Variants in C4orf50 observed in about 807,000 individuals in gnomAD.
C4orf50 encodes chromosome 4 open reading frame 50.
A neutral mutation model predicts 77.2 loss-of-function variants in C4orf50; 80 were observed. The ratio of observed to expected loss-of-function variants is 1.04; its 90% confidence interval spans 0.87 to 1.25. The LOEUF (loss-of-function observed/expected upper bound fraction) is 1.25. Among genes scored for constraint, C4orf50 ranks in the 50% most tolerant of loss-of-function variants. C4orf50 has a pLI of 0.00. For synonymous variants in C4orf50, 532 were observed against 465.3 expected, an observed-to-expected ratio of 1.14 and a Z score of -1.84; for missense variants, 1,257 against 1,152.9, an observed-to-expected ratio of 1.09 and a Z score of -1.31.
At chr4:5,985,556 T>C (rs1475808450) in intron 28 of C4orf50, among the ~76,000 whole-genome samples, 1 of 148,550 alleles carries the variant, frequency 6.7e-6, no homozygotes, top group Non-Finnish European at 1.5e-5. Flanking sequence ...TACTAAAACA[T>C]AAGCTAATGG....
chr4:5,931,360 TAGA>T (rs142261595), intron 7 of C4orf50, among the ~76,000 whole-genome samples: 18,753 of 152,214 alleles, frequency 0.12, 1,186 homozygotes, highest in Non-Finnish European at 0.14. Context: ...GTTTCCCATG[TAGA>T]AGAACACATC....
At chr4:5,941,650 C>T (rs1718271079) in intron 7 of C4orf50, among the ~76,000 whole-genome samples, 1 of 152,196 alleles carries the variant, frequency 6.6e-6, no homozygotes, top group Admixed American at 6.5e-5. Flanking sequence ...ACGGCTTCTG[C>T]TCTTAAGAGT....
exon 34 of C4orf50, chr4:5,959,047 C>A: frequency 4.1e-6 from 1 of 246,094 alleles, no homozygotes; most frequent in Non-Finnish European, 7.9e-6. Context: ...CCAAAAATGT[C>A]TCCAGACATG....
At position 6,002,318 on chromosome 4, in the gene C4orf50, G is replaced by A. The variant is rs151066094; in HGVS notation, c.963+5678C>T. 2.2e-3 allele frequency among the ~76,000 whole-genome samples: 328 copies of A among 152,304 alleles called. 2 individuals are homozygous for A. Among genetic ancestry groups the A allele is most frequent in the African/African-American group, 7.0e-3 (290 of 41,574 alleles). ...GGCAAGGAGCAGACTGTCCCCTAGAGCCTCAGGAGGAAGCATGGCCCCACT... is the reference window on the plus strand; with the variant it reads ...GGCAAGGAGCAGACTGTCCCCTAGAACCTCAGGAGGAAGCATGGCCCCACT... On this transcript the variant is annotated intron_variant, in intron 25 of 33. Transcript: ENST00000531445.
chr4:5,936,914 A>G (rs59138607), intron 7 of C4orf50, among the ~76,000 whole-genome samples: 5,223 of 152,296 alleles, frequency 0.034, 318 homozygotes, highest in African/African-American at 0.12. Context: ...AGTTACAGCA[A>G]TAACAGGCGT....
In C4orf50 at chr4:6,010,202, G is replaced by A. The variant is rs1262442866; in HGVS notation, c.426+1628C>T. The stretch of plus-strand genomic sequence containing the variant: ...CGGAGACATCACATCAGTGGCAGAG[G>A]AGTCCCACTCAACGCCGCTCTACCT... On this transcript the variant is annotated intron_variant, in intron 24 of 33. Transcript: ENST00000531445. Among the ~76,000 whole-genome samples the A allele has an allele frequency of 3.3e-5, 5 of 152,092 alleles. No individual in the cohort carries two copies. The East Asian group carries it at 5.8e-4, about 18-fold the overall frequency.
chr4:5,919,113 T>C lies in C4orf50; in HGVS notation c.*2475-20925A>G, dbSNP rs924703850. On this transcript the variant is annotated intron_variant, in intron 7 of 7. Coordinates refer to the C4orf50 transcript ENST00000324058. This position sits in a 1 kb window ranked among gnomAD's most constrained non-coding sequence, Gnocchi z 6.5. ...GGCTCCCTCTTTCCCAGGTGGGACA[T>C]TGCTAGTGAGCGGTAGCGGGGAATG... is the stretch of plus-strand genomic sequence containing the variant. Among the ~76,000 whole-genome samples the C allele has an allele frequency of 6.6e-6, 1 of 152,190 alleles. No homozygotes were observed. Among genetic ancestry groups the C allele is most frequent in the Non-Finnish European group, 1.5e-5 (1 of 68,020 alleles).
intron 25 of C4orf50, among the ~76,000 whole-genome samples, chr4:5,998,654 C>A (rs184460391): frequency 6.6e-6 from 1 of 152,194 alleles, no homozygotes; most frequent in Non-Finnish European, 1.5e-5. Flanking sequence ...TCTCTCTGCA[C>A]GAGCATCTCT....
rs544877450 is a variant in C4orf50, at chr4:5,974,485, G to A, written c.3922-644C>T. ...GCTCAGACAGACACGGAAATGTGGGGTGGAAAATAACTTTAGGAACTGTCT... is the reference window on the plus strand; with the variant it reads ...GCTCAGACAGACACGGAAATGTGGGATGGAAAATAACTTTAGGAACTGTCT... On this transcript the variant is annotated intron_variant, in intron 30 of 33. Transcript: ENST00000531445. 5.4e-3 allele frequency among the ~76,000 whole-genome samples: 818 copies of A among 152,258 alleles called. 6 individuals carry two copies. The highest frequency in any genetic ancestry group is 0.019 in the African/African-American group (787 of 41,538).
intron 7 of C4orf50, among the ~76,000 whole-genome samples, chr4:5,931,723 C>T (rs533955978): frequency 6.6e-6 from 1 of 152,276 alleles, no homozygotes; most frequent in African/African-American, 2.4e-5. Flanking sequence ...TCAGCTCTGC[C>T]TCCTCCAGGA....
chr4:6,016,404 C>A (rs928497584), intron 23 of C4orf50, among the ~76,000 whole-genome samples: 3 of 152,118 alleles, frequency 2.0e-5, no homozygotes, highest in African/African-American at 7.2e-5. Context: ...CAAAAACTAG[C>A]TAGGCGTGGT....
rs1717028287 is a variant in C4orf50, at chr4:5,916,376, T to C, written c.*2475-18188A>G. 6.9e-6 allele frequency among the ~76,000 whole-genome samples: 1 copy of C among 145,822 alleles called. No individual in the cohort carries two copies. The highest frequency in any genetic ancestry group is 2.1e-4 in the South Asian group (1 of 4,776). ...CTTAACCACGCCGAACAGACAGCCT[T>C]GGGTCCCTGCCCACCACAGAGAAGG... is the stretch of plus-strand genomic sequence containing the variant. On this transcript the variant is annotated intron_variant, in intron 7 of 7. Coordinates refer to the C4orf50 transcript ENST00000324058. The surrounding 1 kb of genome is among the most constrained non-coding windows in gnomAD (Gnocchi z 4.4).
chr4:5,995,077 A>C (rs2009049), intron 25 of C4orf50, among the ~76,000 whole-genome samples: 38,238 of 152,026 alleles, frequency 0.25, 5,551 homozygotes, highest in East Asian at 0.62. Context: ...CCATGAAACC[A>C]GTCCCTGGTG....
At chr4:6,010,237 C>T (rs1722439096) in intron 24 of C4orf50, among the ~76,000 whole-genome samples, 1 of 152,194 alleles carries the variant, frequency 6.6e-6, no homozygotes, top group South Asian at 2.1e-4. Context: ...TATGATAAAA[C>T]TCCCCTCAGG....
intron 28 of C4orf50, among the ~76,000 whole-genome samples, chr4:5,982,087 C>A (rs1720622848): frequency 6.6e-6 from 1 of 152,060 alleles, no homozygotes; most frequent in African/African-American, 2.4e-5. Context: ...ACGACATGGG[C>A]CTGAGATGCA....
chr4:5,960,911 G>A (rs1478190037), intron 33 of C4orf50, among the ~76,000 whole-genome samples: 1 of 152,152 alleles, frequency 6.6e-6, no homozygotes, highest in Non-Finnish European at 1.5e-5. Flanking sequence ...ACTTTGGGAG[G>A]CTGAGGTGGG....
intron 7 of C4orf50, among the ~76,000 whole-genome samples, chr4:5,911,273 A>G (rs1412340522): frequency 6.6e-6 from 1 of 152,140 alleles, no homozygotes; most frequent in Non-Finnish European, 1.5e-5. Context: ...CAGAACCCCC[A>G]CATCGAGTAT....
rs996586782 is a variant in C4orf50, at chr4:5,908,705, A to G, written c.*2475-10517T>C. ...GAACACCATCCGATAGGAGAGACCA[A>G]TACATACGTGACTGCCCTTGACACC... is the stretch of plus-strand genomic sequence containing the variant. On this transcript the variant is annotated intron_variant, in intron 7 of 7. Coordinates refer to the C4orf50 transcript ENST00000324058. The surrounding 1 kb of genome is among the most constrained non-coding windows in gnomAD (Gnocchi z 5.6). 6.6e-6 allele frequency among the ~76,000 whole-genome samples: 1 copy of G among 152,180 alleles called. No individual in the cohort carries two copies.
exon 28 of C4orf50, chr4:5,990,488 G>A (rs981859775): frequency 7.5e-6 from 3 of 399,462 alleles, no homozygotes; most frequent in East Asian, 3.6e-5. Context: ...GAGGCACCGC[G>A]GCCTCTTGTC....
Sources: allele counts gnomAD v4.1 joint callset (sites outside exome capture counted in the v4.1 genomes callset), GRCh38; gene constraint gnomAD v4.1.1; non-coding constraint Gnocchi (gnomAD v3.1); transcripts MANE v1.5; gene names NCBI Gene and HGNC (gene_info 2026-07-23, HGNC 2026-07-21).